The following SMAD1 variants were observed in gnomAD, a reference collection of about 807,000 sequenced individuals.
SMAD1 encodes SMAD family member 1, also known as MAD, mothers against decapentaplegic homolog 1.
SMAD1 carries 6 observed loss-of-function variants against 41.6 expected under a neutral mutation model. The observed-to-expected ratio is 0.14, with a 90% CI of 0.08 to 0.28. The LOEUF (loss-of-function observed/expected upper bound fraction) is 0.28, where lower values mean the gene tolerates loss of function less well. SMAD1 is among the 10% of genes least tolerant of loss of function. The pLI, the probability that SMAD1 is intolerant of heterozygous loss-of-function variation, is 1.00. For missense variants in SMAD1, 379 were observed against 582.6 expected, an observed-to-expected ratio of 0.65 and a Z score of 3.60; for synonymous variants, 206 against 203.2, an observed-to-expected ratio of 1.01 and a Z score of -0.12.
At position 145,518,182 on chromosome 4, in the gene SMAD1, A is replaced by G. The variant is rs1730528238; in HGVS notation, c.400+3169A>G. ...CTCAGGAGGCTGAGGTGGGAGGATCACTTGAGCCCCAGAGTTGAAGGCTGC... is the reference window on the plus strand; with the variant it reads ...CTCAGGAGGCTGAGGTGGGAGGATCGCTTGAGCCCCAGAGTTGAAGGCTGC... On this transcript the variant is annotated intron_variant, in intron 2 of 6. Transcript: ENST00000302085. Among the ~76,000 whole-genome samples, 2 of 126,020 alleles carry G rather than the reference A, an allele frequency of 1.6e-5. 1 individual carries two copies. The highest frequency in any genetic ancestry group is 3.9e-5 in the Non-Finnish European group (2 of 51,126). The allele number at this position is 126,020 out of a possible 152,430, so 82.7% of individuals were successfully genotyped here.
At position 145,482,533 on chromosome 4, in the gene SMAD1, C is replaced by A. The variant is rs1487855820; in HGVS notation, c.-177+495C>A. The A allele has an allele frequency of 6.6e-6, 1 of 151,698 alleles. No individual in the cohort carries two copies. The highest frequency in any genetic ancestry group is 2.4e-5 in the African/African-American group (1 of 41,272). The allele number at this position is 151,698 out of a possible 1,614,324, so 9.4% of individuals were successfully genotyped here. ...GGCGACCCCTGCGGGAGCTGGAGGA[C>A]GACCGCTGGCGCTGCTCTCCAAGGC... On this transcript the variant is annotated intron_variant, in intron 1 of 6. Coordinates refer to ENST00000302085, the MANE Select transcript of SMAD1 (RefSeq NM_005900.3). The surrounding 1 kb of genome is among the most constrained non-coding windows in gnomAD (Gnocchi z 4.2).
chr4:145,557,711 G>A, intron 6 of SMAD1, 80 bp from the exon 7 acceptor site: 1 of 1,112,406 alleles, frequency 9.0e-7, no homozygotes. Context: ...CAGAGTCTTT[G>A]GTTATGTGAA....
chr4:145,539,072 A>T (rs1418337192), intron 2 of SMAD1, among the ~76,000 whole-genome samples: 1 of 152,138 alleles, frequency 6.6e-6, no homozygotes, highest in Non-Finnish European at 1.5e-5. Context: ...TTGTACCTTG[A>T]GTTTTCAGTT....
intron 2 of SMAD1, among the ~76,000 whole-genome samples, chr4:145,525,354 G>A (rs1256918122): frequency 6.6e-6 from 1 of 152,228 alleles, no homozygotes; most frequent in Non-Finnish European, 1.5e-5. Flanking sequence ...GGAAAAATGA[G>A]ATTTGTTTGG....
chr4:145,497,774 C>T (rs1729176027), intron 1 of SMAD1: 2 of 152,148 alleles, frequency 1.3e-5, no homozygotes, highest in Admixed American at 1.3e-4. Context: ...GTGATGCTTG[C>T]TTATATCTAA....
At chr4:145,483,390 C>G (rs79766318) in intron 1 of SMAD1, among the ~76,000 whole-genome samples, 2,536 of 152,226 alleles carry the variant, frequency 0.017, 64 homozygotes, top group African/African-American at 0.056. Flanking sequence ...TTGCCCACAC[C>G]TCAGTAACAC....
rs188451453 is a variant in SMAD1, at chr4:145,558,886, G to A, written c.*952G>A. 1.1e-4 allele frequency among the ~76,000 whole-genome samples: 17 copies of A among 152,194 alleles called. No individual in the cohort carries two copies. The East Asian group carries it at 2.5e-3, about 22-fold the overall frequency. On this transcript the variant is annotated 3_prime_UTR_variant, in exon 7 of 7. Transcript: ENST00000302085. ...TATATGGAGTGCTTGAATTTAATAA[G>A]CAGTTTTTACGGAGTTTACAGTACA...
In SMAD1 at chr4:145,553,805, G is replaced by A; in HGVS notation, c.1019G>A (p.Gly340Glu). 6.2e-7 allele frequency: 1 copy of A among 1,613,852 alleles called. No homozygotes were observed. Among genetic ancestry groups the A allele is most frequent in the Non-Finnish European group, 8.5e-7 (1 of 1,179,758 alleles). ...ATAGGAGTTCATCTTTATTATGTTG[G>A]AGGGGAGGTGTATGCCGAATGCCTT... ...IGKGVHLYYV[G>E]GEVYAECLSD... The change falls in exon 6 of 7, where the codon GGA becomes GAA. Residue 340 changes from glycine (G) to glutamate (E), a missense_variant. Gly to Glu is a moderately conservative substitution (Grantham distance 98, BLOSUM62 -2). This residue lies in a region of SMAD1 where 107 missense variants were observed against 218.3 expected (regional missense o/e 0.49). Coordinates refer to ENST00000302085, the MANE Select transcript of SMAD1 (RefSeq NM_005900.3).
chr4:145,508,424 A>G (rs577603594), intron 1 of SMAD1, among the ~76,000 whole-genome samples: 1 of 152,234 alleles, frequency 6.6e-6, no homozygotes, highest in Admixed American at 6.5e-5. Flanking sequence ...ATACTCAACT[A>G]TTCTATATTT....
chr4:145,490,410 GA>G (rs926668400), intron 1 of SMAD1, among the ~76,000 whole-genome samples: 1 of 152,196 alleles, frequency 6.6e-6, no homozygotes, highest in African/African-American at 2.4e-5. Flanking sequence ...AAGGGAAGAA[GA>G]ACCACCGTAG....
intron 6 of SMAD1, 52 bp downstream of exon 6, chr4:145,554,092 T>A: frequency 1.4e-5 from 1 of 73,854 alleles, no homozygotes; most frequent in Non-Finnish European, 3.1e-5. Flanking sequence ...TTTGCTGTGC[T>A]TTTTTTTTTT....
chr4:145,487,370 G>A (rs969231629), intron 1 of SMAD1, among the ~76,000 whole-genome samples: 6 of 152,124 alleles, frequency 3.9e-5, no homozygotes, highest in Admixed American at 2.6e-4. Context: ...GGAAAAAATC[G>A]GTTTTAAGTC....
intron 1 of SMAD1, among the ~76,000 whole-genome samples, chr4:145,499,826 T>C (rs1162232728): frequency 4.6e-5 from 7 of 152,156 alleles, no homozygotes; most frequent in Admixed American, 4.6e-4. Flanking sequence ...ACAGGAATTA[T>C]GGACATTTAG....
chr4:145,535,714 TA>T (rs1197879718), intron 2 of SMAD1, among the ~76,000 whole-genome samples: 3 of 152,050 alleles, frequency 2.0e-5, no homozygotes, highest in Non-Finnish European at 2.9e-5. Flanking sequence ...AGGACTAAGT[TA>T]GAAGGGATGT....
chr4:145,517,998 A>C (rs539198855), intron 2 of SMAD1, among the ~76,000 whole-genome samples: 1 of 126,790 alleles, frequency 7.9e-6, no homozygotes, highest in Admixed American at 7.4e-5. Flanking sequence ...TTTTATGTAT[A>C]TTTTTCACAT....
At chr4:145,526,063 G>A (rs983177167) in intron 2 of SMAD1, among the ~76,000 whole-genome samples, 4 of 152,086 alleles carry the variant, frequency 2.6e-5, no homozygotes, top group East Asian at 3.9e-4. Context: ...TTATTCTTTC[G>A]CATGAGAAAA....
At chr4:145,550,957 CTAATT>C (rs1732526242) in intron 5 of SMAD1, among the ~76,000 whole-genome samples, 1 of 152,130 alleles carries the variant, frequency 6.6e-6, no homozygotes, top group African/African-American at 2.4e-5. Context: ...TTAATTCCAT[CTAATT>C]TAATTTATAA....
intron 5 of SMAD1, among the ~76,000 whole-genome samples, chr4:145,553,454 C>A (rs544896091): frequency 5.9e-5 from 9 of 152,118 alleles, no homozygotes; most frequent in Non-Finnish European, 1.2e-4. Flanking sequence ...AGCACGCAAC[C>A]TTGATCCCTC....
chr4:145,536,493 C>G (rs1225911158), intron 2 of SMAD1, among the ~76,000 whole-genome samples: 1 of 152,022 alleles, frequency 6.6e-6, no homozygotes, highest in Non-Finnish European at 1.5e-5. Context: ...GACAATATGA[C>G]CATCAAAATA....
Sources: gnomAD v4.1 joint callset for allele counts (sites outside exome capture counted in the v4.1 genomes callset) on GRCh38, gnomAD v4.1.1 for gene constraint, gnomAD v4.1.1 regional missense constraint, Gnocchi (gnomAD v3.1) non-coding constraint, MANE v1.5 for transcripts, NCBI Gene and HGNC (gene_info 2026-07-23, HGNC 2026-07-21) for gene names.